QSER1: variants seen among roughly 807,000 people sequenced by gnomAD.
QSER1 encodes glutamine and serine rich 1.
QSER1 carries 49 observed loss-of-function variants against 158.5 expected under a neutral mutation model. The ratio of observed to expected loss-of-function variants is 0.31; its 90% CI spans 0.25 to 0.39. QSER1 has a LOEUF of 0.39. Ranked by LOEUF, QSER1 falls within the 10% of genes least tolerant of loss-of-function variation. The pLI, the probability that QSER1 is intolerant of heterozygous loss-of-function variation, is 1.00. For synonymous variants in QSER1, 650 were observed against 715.5 expected (o/e 0.91, Z 1.46); for missense variants, 1,754 against 2,010.3 (o/e 0.87, Z 2.44).
intron 4 of QSER1, among the ~76,000 whole-genome samples, chr11:32,950,909 T>C (rs991733393): frequency 3.3e-5 from 5 of 152,224 alleles, no homozygotes; most frequent in African/African-American, 1.2e-4. Flanking sequence ...TATTCAGTTA[T>C]CCATTGATAG....
chr11:32,898,152 T>C (rs1306503392), intron 1 of QSER1, among the ~76,000 whole-genome samples: 1 of 152,192 alleles, frequency 6.6e-6, no homozygotes, highest in Non-Finnish European at 1.5e-5. Flanking sequence ...AGCCTTTCCA[T>C]GGCTACTCCT....
chr11:32,979,120 T>C lies in QSER1; in HGVS notation c.*2646T>C, dbSNP rs1229619867. On this transcript the variant is annotated 3_prime_UTR_variant, in exon 13 of 13. Transcript: ENST00000650167. ...CAGTAAGAATATGGTATTATAATCT[T>C]ACGGGACCACTGTCAAATACGCGGT... 6.6e-6 allele frequency: 1 copy of C among 152,642 alleles called. No homozygotes were observed. The highest frequency in any genetic ancestry group is 1.9e-4 in the East Asian group (1 of 5,204). 9.5% of individuals were successfully genotyped at this position (152,642 alleles called of 1,614,324 possible). A position where few individuals can be genotyped will look rare whatever the true frequency, so the allele number is the denominator to read the frequency against.
Position 32,954,027 on chromosome 11 carries a change from G to C in QSER1, c.4348G>C (p.Asp1450His), listed in dbSNP as rs563561881. The change falls in exon 5 of 13, where the codon GAT becomes CAT. Residue 1450 changes from aspartate to histidine, a missense_variant. Transcript: ENST00000650167. ...SSESSKPIEL[D>H]GLPSDQFAKG... is the part of the protein sequence containing the mutation. ...AGAATCCTCAAAGCCCATTGAACTT[G>C]ATGGTCTTCCTTCAGACCAGTTTGC... The C allele has an allele frequency of 6.2e-7, 1 of 1,614,134 alleles. No homozygotes were observed. Among genetic ancestry groups the C allele is most frequent in the East Asian group, 2.2e-5 (1 of 44,874 alleles).
At chr11:32,941,236 A>T (rs1023644087) in intron 4 of QSER1, among the ~76,000 whole-genome samples, 10 of 119,938 alleles carry the variant, frequency 8.3e-5, no homozygotes, top group African/African-American at 1.7e-4. Flanking sequence ...TATTATTATT[A>T]TTTTTAATTA....
At position 32,931,754 on chromosome 11, in the gene QSER1, T is replaced by C; in HGVS notation, c.496T>C (p.Ser166Pro). 3.1e-6 allele frequency: 5 copies of C among 1,596,152 alleles called. No homozygotes were observed. The highest frequency in any genetic ancestry group is 4.3e-6 in the Non-Finnish European group (5 of 1,172,660). ...APSWQTGMHSSAATELFATGP... is the reference protein window; with the variant it reads ...APSWQTGMHSPAATELFATGP... ...CCTTTTCTTCATAGGCATGCATTCCTCAGCAGCAACTGAGCTGTTTGCTAC... is the reference window on the plus strand; with the variant it reads ...CCTTTTCTTCATAGGCATGCATTCCCCAGCAGCAACTGAGCTGTTTGCTAC... The change falls in exon 4 of 13, where the codon TCA (serine) becomes CCA (proline). Residue 166 changes from serine (S) to proline (P), a missense_variant. Ser to Pro is a moderately conservative substitution (Grantham distance 74). This residue lies in a region of QSER1 where 1,707 missense variants were observed against 1,919.6 expected (regional missense o/e 0.89). Coordinates refer to ENST00000650167, the MANE Select transcript of QSER1 (RefSeq NM_001076786.3).
chr11:32,910,123 A>G (rs146524500), intron 1 of QSER1, among the ~76,000 whole-genome samples: 60 of 152,106 alleles, frequency 3.9e-4, no homozygotes, highest in African/African-American at 1.3e-3. Context: ...CAGCTTCTCT[A>G]TGTTCCAGAC....
chr11:32,898,114 A>G lies in QSER1; in HGVS notation c.209+4780A>G, dbSNP rs139449394. Among the ~76,000 whole-genome samples the G allele has an allele frequency of 5.1e-3, 783 of 152,290 alleles. 9 individuals carry two copies. Among genetic ancestry groups the G allele is most frequent in the African/African-American group, 0.018 (743 of 41,558 alleles). ...GAGTGATTTTTAAAAACACAGATCT[A>G]CAAGTTTGCTCTTGGTCCTTTGCTT... On this transcript the variant is annotated intron_variant, in intron 1 of 12. Transcript: ENST00000650167.
intron 9 of QSER1, among the ~76,000 whole-genome samples, chr11:32,966,994 C>T (rs1415885862): frequency 1.3e-5 from 2 of 151,974 alleles, no homozygotes. Context: ...ACCAGCAGTC[C>T]CAGTACTGAG....
intron 1 of QSER1, among the ~76,000 whole-genome samples, chr11:32,919,813 A>G (rs796761033): frequency 9.9e-5 from 15 of 152,134 alleles, no homozygotes; most frequent in African/African-American, 3.4e-4. Context: ...ATCAGTATGG[A>G]CCCATGGATA....
intron 1 of QSER1, among the ~76,000 whole-genome samples, chr11:32,895,793 C>A (rs1484339092): frequency 1.3e-5 from 2 of 152,316 alleles, no homozygotes; most frequent in East Asian, 3.9e-4. Context: ...TGAAATACAT[C>A]ATTTTCATCA....
At chr11:32,972,928 T>C (rs773278131) in intron 10 of QSER1, among the ~76,000 whole-genome samples, 62 of 152,212 alleles carry the variant, frequency 4.1e-4, no homozygotes, top group Non-Finnish European at 7.3e-4. Context: ...CAGAGGCAGA[T>C]GACTTCTTTA....
intron 7 of QSER1, 127 bp from the exon 8 acceptor site, chr11:32,957,742 G>A: frequency 1.3e-6 from 1 of 767,870 alleles, no homozygotes; most frequent in Non-Finnish European, 2.1e-6. Context: ...GACTTGGACT[G>A]TATATTTTGA....
rs140169877 is a variant in QSER1, at chr11:32,941,072, C to T, written c.4177+5637C>T. 1.5e-3 allele frequency among the ~76,000 whole-genome samples: 235 copies of T among 151,870 alleles called. 6 individuals carry two copies. The East Asian group carries it at 0.036, about 23-fold the overall frequency. ...TTTTCTTCTTTGCACCACACTTTGA[C>T]CATATCTCATGGTTTCAGTTTATAA... is the stretch of plus-strand genomic sequence containing the variant. On this transcript the variant is annotated intron_variant, in intron 4 of 12. Transcript: ENST00000650167.
At chr11:32,917,840 A>AAAAAAC (rs1851854364) in intron 1 of QSER1, among the ~76,000 whole-genome samples, 1 of 151,004 alleles carries the variant, frequency 6.6e-6, no homozygotes, top group African/African-American at 2.4e-5. Context: ...AAAAAAAAAA[A>AAAAAAC]AAAACCAGCA....
At chr11:32,969,752 T>C (rs1320621157) in intron 10 of QSER1, among the ~76,000 whole-genome samples, 1 of 150,894 alleles carries the variant, frequency 6.6e-6, no homozygotes, top group Admixed American at 6.7e-5. Context: ...TGGCACAACC[T>C]TGGCTCGCTG....
chr11:32,931,874 C>T lies in QSER1; in HGVS notation c.616C>T (p.Pro206Ser). The part of the protein sequence containing the change: ...FSNRNFATTS[P>S]LVLQDSTFNT... ...CAATAGAAACTTTGCTACCACTTCACCTTTGGTGCTTCAGGATTCAACTTT... is the reference window on the plus strand; with the variant it reads ...CAATAGAAACTTTGCTACCACTTCATCTTTGGTGCTTCAGGATTCAACTTT... The change falls in exon 4 of 13, where the codon CCT (proline) becomes TCT (serine). Residue 206 changes from proline (P) to serine (S), a missense_variant. By Grantham distance (74) the Pro-to-Ser change is moderately conservative. Transcript: ENST00000650167. 6.2e-7 allele frequency: 1 copy of T among 1,614,194 alleles called. No individual in the cohort carries two copies. The highest frequency in any genetic ancestry group is 8.5e-7 in the Non-Finnish European group (1 of 1,180,026).
chr11:32,930,290 G>A (rs7358507), intron 3 of QSER1, among the ~76,000 whole-genome samples: 2 of 152,062 alleles, frequency 1.3e-5, no homozygotes, highest in African/African-American at 4.8e-5. Context: ...CTAGAACAAA[G>A]GAGTTGAACT....
At chr11:32,975,605 G>T (rs761870201) in intron 12 of QSER1, 25 of 1,265,954 alleles carry the variant, frequency 2.0e-5, no homozygotes, top group Non-Finnish European at 2.4e-5. Flanking sequence ...GCTTTACATC[G>T]CCATAATAAA....
At chr11:32,942,475 T>C (rs1488201787) in intron 4 of QSER1, among the ~76,000 whole-genome samples, 4 of 149,330 alleles carry the variant, frequency 2.7e-5, no homozygotes, top group Non-Finnish European at 6.0e-5. Flanking sequence ...CCCAGCACCA[T>C]TTATTAAATA....
Sources: allele counts gnomAD v4.1 joint callset (sites outside exome capture counted in the v4.1 genomes callset), GRCh38; gene constraint gnomAD v4.1.1; regional missense constraint gnomAD v4.1.1; transcripts MANE v1.5; gene names NCBI Gene and HGNC (gene_info 2026-07-23, HGNC 2026-07-21).